The following NIPBL variants were observed in gnomAD, a reference collection of about 807,000 sequenced individuals.
NIPBL encodes nipped-B-like protein.
In NIPBL, 19 loss-of-function variants were observed where a neutral mutation model predicts 321.8. The ratio of observed to expected loss-of-function variants is 0.06; its 90% confidence interval spans 0.04 to 0.09. NIPBL has a LOEUF of 0.09. NIPBL is among the 10% of genes least tolerant of loss of function. The pLI is 1.00. For missense variants in NIPBL, 2,210 were observed against 3,327.0 expected (o/e 0.66, Z 8.26); for synonymous variants, 1,106 against 1,114.1 (o/e 0.99, Z 0.14).
chr5:37,027,330 C>A, intron 31 of NIPBL, 29 bp from the exon 32 acceptor site: 1 of 1,546,634 alleles, frequency 6.5e-7, no homozygotes, highest in Non-Finnish European at 8.9e-7. Flanking sequence ...AAATATACTT[C>A]TAACTTTGAT....
chr5:37,021,128 G>A (rs939801542), intron 27 of NIPBL, among the ~76,000 whole-genome samples: 8 of 152,100 alleles, frequency 5.3e-5, no homozygotes, highest in African/African-American at 1.4e-4. Flanking sequence ...GTGAAACCCC[G>A]TCTCTACTAA....
chr5:37,014,194 G>A (rs905513370), intron 21 of NIPBL, among the ~76,000 whole-genome samples: 7 of 151,860 alleles, frequency 4.6e-5, no homozygotes, highest in African/African-American at 9.7e-5. Flanking sequence ...GAGGGAGACC[G>A]TGGAAAGAGA....
chr5:36,967,306 C>CT (rs1288287994), intron 6 of NIPBL, among the ~76,000 whole-genome samples: 1 of 151,972 alleles, frequency 6.6e-6, no homozygotes, highest in Non-Finnish European at 1.5e-5. Flanking sequence ...ATTGGTGCAA[C>CT]TTTTTTAGAG....
chr5:36,984,209 CTT>C (rs1744478276), intron 9 of NIPBL, among the ~76,000 whole-genome samples: 1 of 151,754 alleles, frequency 6.6e-6, no homozygotes, highest in Admixed American at 6.6e-5. Context: ...ACAGTAAAAA[CTT>C]ATATTTCCTG....
intron 38 of NIPBL, among the ~76,000 whole-genome samples, chr5:37,046,891 T>G (rs1204666825): frequency 2.0e-5 from 3 of 152,154 alleles, no homozygotes; most frequent in African/African-American, 7.2e-5. Context: ...TTTTTGTTGT[T>G]GTTTTTTTTG....
At chr5:37,042,202 C>T (rs1752465733) in intron 34 of NIPBL, among the ~76,000 whole-genome samples, 1 of 151,800 alleles carries the variant, frequency 6.6e-6, no homozygotes, top group Non-Finnish European at 1.5e-5. Flanking sequence ...TTTGGGAGGC[C>T]GAGGCAGGCG....
chr5:36,880,742 C>T (rs1745439895), intron 1 of NIPBL, among the ~76,000 whole-genome samples: 2 of 151,946 alleles, frequency 1.3e-5, no homozygotes, highest in Non-Finnish European at 2.9e-5. Flanking sequence ...TTCGTTTTTT[C>T]AGCAGTTGTC....
Position 36,888,095 on chromosome 5 carries a change from TC to T in NIPBL, c.-80+10919del, listed in dbSNP as rs1336703666. Among the ~76,000 whole-genome samples, 12 of 152,280 alleles carry T rather than the reference TC, an allele frequency of 7.9e-5. No homozygotes were observed. In the South Asian group the frequency reaches 2.1e-3, roughly 26 times the overall value. ...CCCAATGTTTTGATTCTGTGAGAGG[TC>T]CTGAACATACAGTTTTCTCAGATTT... On this transcript the variant is annotated intron_variant, in intron 1 of 46. Transcript: ENST00000282516.
chr5:36,942,070 A>C (rs1739120616), intron 1 of NIPBL, among the ~76,000 whole-genome samples: 1 of 152,094 alleles, frequency 6.6e-6, no homozygotes, highest in Non-Finnish European at 1.5e-5. Context: ...GAACTATTTA[A>C]AATAATTTAA....
rs770481159 is a variant in NIPBL, at chr5:36,985,834, A to T, written c.2654A>T (p.Glu885Val). ...GDSRERPSSG[E>V]QKSRPDSPRV... ...TCAAGGGAAAGACCATCTTCTGGGG[A>T]ACAAAAATCAAGACCTGACAGTCCT... is the stretch of plus-strand genomic sequence containing the variant. The change falls in exon 10 of 47, where the codon GAA becomes GTA. Residue 885 changes from glutamate (E) to valine (V), a missense_variant. Coordinates refer to ENST00000282516, the MANE Select transcript of NIPBL (RefSeq NM_133433.4). 4 of 1,613,884 alleles carry T rather than the reference A, an allele frequency of 2.5e-6. No individual in the cohort carries two copies. In the South Asian group the frequency reaches 4.4e-5, roughly 18 times the overall value.
Position 37,065,211 on chromosome 5 carries a change from A to G in NIPBL, c.*319A>G. 3.0e-6 allele frequency: 1 copy of G among 335,062 alleles called. No homozygotes were observed. The highest frequency in any genetic ancestry group is 5.6e-6 in the Non-Finnish European group (1 of 178,432). 20.8% of individuals were successfully genotyped at this position (335,062 alleles called of 1,614,324 possible). A position where few individuals can be genotyped will look rare whatever the true frequency, so the allele number is the denominator to read the frequency against. On this transcript the variant is annotated 3_prime_UTR_variant, in exon 47 of 47. Coordinates refer to ENST00000282516, the MANE Select transcript of NIPBL (RefSeq NM_133433.4). ...TGGAAATTAGTCTGTTAATGTTCTT[A>G]ATAAAGTGTTCTTGGAGTTTAACCT...
At chr5:36,942,690 G>A (rs1451963696) in intron 1 of NIPBL, among the ~76,000 whole-genome samples, 1 of 144,484 alleles carries the variant, frequency 6.9e-6, no homozygotes, top group African/African-American at 2.6e-5. Context: ...GTAATGAGCC[G>A]AGATCGCACC....
intron 1 of NIPBL, among the ~76,000 whole-genome samples, chr5:36,929,401 A>G (rs1398598848): frequency 6.6e-6 from 1 of 151,918 alleles, no homozygotes; most frequent in Non-Finnish European, 1.5e-5. Context: ...GCCCATTTTC[A>G]AAGTTGTGTT....
At position 36,984,912 on chromosome 5, in the gene NIPBL, G is replaced by A; in HGVS notation, c.1732G>A (p.Val578Ile). ...AATCAAACAATGTAATGATGCACCT[G>A]TTTCTGTTCTTCAGGAAGATATTGT... Reference protein sequence around the residue: ...EEIKQCNDAPVSVLQEDIVGS... With the variant: ...EEIKQCNDAPISVLQEDIVGS... Residue 578 changes from valine (V) to isoleucine (I), a missense_variant, in exon 10 of 47, where the codon GTT becomes ATT. Around this residue, in one of 14 missense-constraint regions of NIPBL, gnomAD observed 588 missense variants for 564.1 expected, o/e 1.04. Transcript: ENST00000282516. 6.2e-6 allele frequency: 10 copies of A among 1,613,866 alleles called. No homozygotes were observed. The highest frequency in any genetic ancestry group is 8.5e-6 in the Non-Finnish European group (10 of 1,179,900).
chr5:36,976,517 C>G, intron 9 of NIPBL, 115 bp downstream of exon 9: 2 of 989,070 alleles, frequency 2.0e-6, no homozygotes, highest in South Asian at 1.5e-5. Context: ...TATGTCTACT[C>G]AAGTACATAT....
At chr5:37,004,226 GT>G (rs1018266442) in intron 16 of NIPBL, among the ~76,000 whole-genome samples, 5 of 152,108 alleles carry the variant, frequency 3.3e-5, no homozygotes, top group African/African-American at 1.2e-4. Flanking sequence ...GCTTGCAATG[GT>G]TTATTAATTG....
intron 7 of NIPBL, 99 bp from the exon 8 acceptor site, chr5:36,971,844 CTT>C: frequency 6.6e-7 from 1 of 1,519,224 alleles, no homozygotes; most frequent in Non-Finnish European, 8.9e-7. Context: ...AATTCCAACA[CTT>C]TACCTGTCAG....
In NIPBL at chr5:37,000,452, TAGG is replaced by T; in HGVS notation, c.3387_3389del (p.Arg1130del). ...GTGACAGAAGAAGCTCTGGGGATCATAGGAGAAGTGGCCACTCTCATGAAGGAA... is the reference window on the plus strand; with the variant it reads ...GTGACAGAAGAAGCTCTGGGGATCATAGAAGTGGCCACTCTCATGAAGGAA... On this transcript the variant is annotated inframe_deletion, in exon 12 of 47. Coordinates refer to ENST00000282516, the MANE Select transcript of NIPBL (RefSeq NM_133433.4). 1.2e-6 allele frequency: 2 copies of T among 1,613,432 alleles called. No individual in the cohort carries two copies. The highest frequency in any genetic ancestry group is 1.7e-6 in the Non-Finnish European group (2 of 1,179,558).
chr5:37,049,725 G>T (rs1430618698), intron 40 of NIPBL, among the ~76,000 whole-genome samples: 1 of 152,062 alleles, frequency 6.6e-6, no homozygotes, highest in Non-Finnish European at 1.5e-5. Context: ...TCTTTAAGTT[G>T]GGTATAACAC....
Sources: allele counts gnomAD v4.1 joint callset (sites outside exome capture counted in the v4.1 genomes callset), GRCh38; gene constraint gnomAD v4.1.1; regional missense constraint gnomAD v4.1.1; transcripts MANE v1.5; gene names NCBI Gene and HGNC (gene_info 2026-07-23, HGNC 2026-07-21).